The following EPHA7 variants were observed in gnomAD, a reference collection of about 807,000 sequenced individuals.
EPHA7 encodes the protein EPH receptor A7.
EPHA7 carries 25 observed loss-of-function variants against 112.6 expected under a neutral mutation model. The ratio of observed to expected loss-of-function variants is 0.22; its 90% confidence interval spans 0.16 to 0.31. The LOEUF is 0.31. Ranked by LOEUF, EPHA7 falls within the 10% of genes least tolerant of loss-of-function variation. The pLI is 1.00. For missense variants in EPHA7, 962 were observed against 1,212.6 expected (o/e 0.79, Z 3.07); for synonymous variants, 437 against 406.5 (o/e 1.07, Z -0.90).
At chr6:93,324,190 G>A (rs1241367297) in intron 5 of EPHA7, among the ~76,000 whole-genome samples, 8 of 149,980 alleles carry the variant, frequency 5.3e-5, no homozygotes, top group Admixed American at 4.7e-4. Context: ...TCTGCATTAA[G>A]TTAGTCCTGG....
chr6:93,324,206 C>A (rs1240426640), intron 5 of EPHA7, among the ~76,000 whole-genome samples: 1 of 151,360 alleles, frequency 6.6e-6, no homozygotes, highest in African/African-American at 2.4e-5. Context: ...CCTGGGATAA[C>A]TTCCTTTACC....
intron 3 of EPHA7, among the ~76,000 whole-genome samples, chr6:93,374,319 T>C (rs148395897): frequency 6.6e-6 from 1 of 152,260 alleles, no homozygotes; most frequent in East Asian, 1.9e-4. Flanking sequence ...AATAGAGATA[T>C]GAATTTATAT....
At chr6:93,291,582 A>T (rs964417271) in intron 5 of EPHA7, among the ~76,000 whole-genome samples, 1 of 149,890 alleles carries the variant, frequency 6.7e-6, no homozygotes, top group African/African-American at 2.5e-5. Flanking sequence ...TCCCGGCTAA[A>T]ACGGTGAAAC....
chr6:93,262,705 C>T (rs941379171), intron 9 of EPHA7, among the ~76,000 whole-genome samples: 1 of 151,358 alleles, frequency 6.6e-6, no homozygotes, highest in African/African-American at 2.4e-5. Context: ...TACATAAAAG[C>T]ACTTCTGTTT....
chr6:93,269,765 G>T, intron 6 of EPHA7, 105 bp from the exon 7 acceptor site: 1 of 897,916 alleles, frequency 1.1e-6, no homozygotes, highest in Non-Finnish European at 1.7e-6. Flanking sequence ...TTTTATAGAG[G>T]CTACATTGTA....
chr6:93,413,157 CTT>C (rs1416930935), intron 2 of EPHA7, among the ~76,000 whole-genome samples: 1 of 151,920 alleles, frequency 6.6e-6, no homozygotes, highest in Non-Finnish European at 1.5e-5. Context: ...TTTCTCAAAA[CTT>C]ATATCTCAAG....
intron 14 of EPHA7, among the ~76,000 whole-genome samples, chr6:93,251,474 C>A (rs574035215): frequency 1.3e-5 from 2 of 150,270 alleles, no homozygotes; most frequent in Admixed American, 6.7e-5. Context: ...TACTTTCTTA[C>A]GTTATTTTTT....
At chr6:93,345,126 C>T (rs1008119426) in intron 5 of EPHA7, among the ~76,000 whole-genome samples, 17 of 151,514 alleles carry the variant, frequency 1.1e-4, no homozygotes, top group African/African-American at 3.9e-4. Flanking sequence ...TATAGTCTGA[C>T]GTAACTAGAG....
chr6:93,332,096 T>A (rs950119593), intron 5 of EPHA7, among the ~76,000 whole-genome samples: 3 of 151,684 alleles, frequency 2.0e-5, no homozygotes, highest in African/African-American at 7.2e-5. Context: ...AGACTTTTAG[T>A]AATAGCACTT....
intron 5 of EPHA7, among the ~76,000 whole-genome samples, chr6:93,321,233 G>A (rs1411417332): frequency 1.3e-5 from 2 of 151,964 alleles, no homozygotes; most frequent in Admixed American, 6.6e-5. Flanking sequence ...CTTCCTGAGT[G>A]TGGTTCTCAG....
At chr6:93,377,130 T>A (rs1182368752) in intron 3 of EPHA7, among the ~76,000 whole-genome samples, 2 of 152,186 alleles carry the variant, frequency 1.3e-5, no homozygotes, top group African/African-American at 4.8e-5. Flanking sequence ...TTTGCCAATA[T>A]CTGCAGACAC....
At chr6:93,345,131 C>G (rs1775335433) in intron 5 of EPHA7, among the ~76,000 whole-genome samples, 1 of 151,602 alleles carries the variant, frequency 6.6e-6, no homozygotes, top group South Asian at 2.1e-4. Flanking sequence ...TCTGACGTAA[C>G]TAGAGTTAAG....
intron 5 of EPHA7, among the ~76,000 whole-genome samples, chr6:93,341,850 T>G (rs767521126): frequency 3.3e-5 from 5 of 151,844 alleles, no homozygotes; most frequent in Non-Finnish European, 5.9e-5. Flanking sequence ...AATCTATAGG[T>G]TTCTTTGATT....
At chr6:93,346,124 G>C (rs2127929269) in intron 5 of EPHA7, among the ~76,000 whole-genome samples, 1 of 151,770 alleles carries the variant, frequency 6.6e-6, no homozygotes, top group East Asian at 1.9e-4. Context: ...CATAGGAATT[G>C]GGATTGGGGG....
intron 3 of EPHA7, 104 bp from the exon 4 acceptor site, chr6:93,358,515 G>T (rs1776074365): frequency 4.3e-6 from 4 of 920,098 alleles, no homozygotes; most frequent in South Asian, 2.2e-5. Flanking sequence ...TGTGATGTAT[G>T]TAAAACAAGC....
In EPHA7 at chr6:93,410,717, A is replaced by T. The variant is rs2127994663; in HGVS notation, c.616T>A (p.Trp206Arg). ...ATAGCTAAGTTCTCAATAATGGACCAGCACTTCTTGTAGTACACTTTGACA... is the reference window on the plus strand; with the variant it reads ...ATAGCTAAGTTCTCAATAATGGACCTGCACTTCTTGTAGTACACTTTGACA... The part of the protein sequence containing the change: ...VSVKVYYKKC[W>R]SIIENLAIFP... The change falls in exon 3 of 17, where the codon TGG (tryptophan) becomes AGG (arginine). Residue 206 changes from tryptophan (W) to arginine (R), a missense_variant. Around this residue, in one of 3 missense-constraint regions of EPHA7, gnomAD observed 160 missense variants for 263.6 expected, o/e 0.61. Transcript: ENST00000369303. This position sits in a 1 kb window ranked among gnomAD's most constrained non-coding sequence, Gnocchi z 4.0. 6.2e-7 allele frequency: 1 copy of T among 1,614,110 alleles called. No individual in the cohort carries two copies. Among genetic ancestry groups the T allele is most frequent in the Non-Finnish European group, 8.5e-7 (1 of 1,179,974 alleles).
intron 14 of EPHA7, among the ~76,000 whole-genome samples, chr6:93,248,955 A>C (rs149958010): frequency 6.6e-6 from 1 of 152,310 alleles, no homozygotes; most frequent in East Asian, 1.9e-4. Flanking sequence ...CTATATATAC[A>C]TATCCCTGAA....
intron 5 of EPHA7, among the ~76,000 whole-genome samples, chr6:93,349,793 T>C (rs890091238): frequency 2.0e-5 from 3 of 151,956 alleles, no homozygotes; most frequent in African/African-American, 4.8e-5. Context: ...TTAAAAGACA[T>C]ATAACTTGAT....
intron 3 of EPHA7, among the ~76,000 whole-genome samples, chr6:93,374,170 T>G (rs1400400787): frequency 6.6e-6 from 1 of 152,148 alleles, no homozygotes; most frequent in Non-Finnish European, 1.5e-5. Flanking sequence ...GCTAACTCCC[T>G]GAAGAGAGTC....
Sources: gnomAD v4.1 joint callset for allele counts (sites outside exome capture counted in the v4.1 genomes callset) on GRCh38, gnomAD v4.1.1 for gene constraint, gnomAD v4.1.1 regional missense constraint, Gnocchi (gnomAD v3.1) non-coding constraint, MANE v1.5 for transcripts, NCBI Gene and HGNC (gene_info 2026-07-23, HGNC 2026-07-21) for gene names.